The following HCN1 variants were observed in gnomAD, a reference collection of about 807,000 sequenced individuals.
The protein encoded by HCN1 is hyperpolarization activated cyclic nucleotide gated potassium channel 1, also known as potassium/sodium hyperpolarization-activated cyclic nucleotide-gated channel 1.
A neutral mutation model predicts 78.9 loss-of-function variants in HCN1; 13 were observed. That is an observed-to-expected ratio of 0.16 (90% CI 0.11 to 0.26). The LOEUF is 0.26. HCN1 is among the 10% of genes least tolerant of loss of function. The pLI is 1.00. For missense variants in HCN1, 810 were observed against 1,154.3 expected, an observed-to-expected ratio of 0.70 and a Z score of 4.32; for synonymous variants, 552 against 455.5, an observed-to-expected ratio of 1.21 and a Z score of -2.70.
At chr5:45,283,455 AAC>A (rs1231632509) in intron 6 of HCN1, among the ~76,000 whole-genome samples, 4 of 152,202 alleles carry the variant, frequency 2.6e-5, no homozygotes, top group Non-Finnish European at 5.9e-5. Context: ...GAGAAAAACA[AAC>A]AACACCATTA....
intron 1 of HCN1, among the ~76,000 whole-genome samples, chr5:45,648,036 G>C (rs1187102852): frequency 6.6e-6 from 1 of 152,038 alleles, no homozygotes; most frequent in Non-Finnish European, 1.5e-5. Flanking sequence ...GATTATTACA[G>C]AGCCAAATAT....
At chr5:45,553,787 G>A (rs1743420908) in intron 2 of HCN1, among the ~76,000 whole-genome samples, 1 of 151,682 alleles carries the variant, frequency 6.6e-6, no homozygotes, top group Non-Finnish European at 1.5e-5. Context: ...ATTTTTACTT[G>A]TTTTTTAATC....
chr5:45,470,298 G>C (rs1476510160), intron 2 of HCN1, among the ~76,000 whole-genome samples: 1 of 151,784 alleles, frequency 6.6e-6, no homozygotes, highest in African/African-American at 2.4e-5. Context: ...ACATGATTTT[G>C]GTATTAAACC....
chr5:45,337,962 T>C (rs1746498160), intron 5 of HCN1, among the ~76,000 whole-genome samples: 1 of 152,132 alleles, frequency 6.6e-6, no homozygotes, highest in Admixed American at 6.6e-5. Flanking sequence ...AATAAAGTAG[T>C]GTTTTTGAAA....
chr5:45,384,944 TA>T (rs1470842530), intron 4 of HCN1, among the ~76,000 whole-genome samples: 1 of 152,162 alleles, frequency 6.6e-6, no homozygotes, highest in Non-Finnish European at 1.5e-5. Context: ...ATGAGGATCA[TA>T]AATAGAAAAG....
intron 2 of HCN1, among the ~76,000 whole-genome samples, chr5:45,510,873 T>A (rs1473783026): frequency 6.9e-6 from 1 of 145,040 alleles, no homozygotes; most frequent in Non-Finnish European, 1.5e-5. Flanking sequence ...CTTAGAAATG[T>A]TGAGTTTATT....
At chr5:45,422,598 C>G (rs1740251318) in intron 3 of HCN1, among the ~76,000 whole-genome samples, 2 of 152,106 alleles carry the variant, frequency 1.3e-5, no homozygotes, top group Non-Finnish European at 2.9e-5. Flanking sequence ...CTTTCTAACA[C>G]TATTATTAAA....
intron 1 of HCN1, among the ~76,000 whole-genome samples, chr5:45,667,444 C>T (rs1218054456): frequency 6.6e-6 from 1 of 151,940 alleles, no homozygotes; most frequent in Non-Finnish European, 1.5e-5. Flanking sequence ...AGACTTACAA[C>T]CCCCATCACA....
chr5:45,322,650 T>C (rs1746147114), intron 5 of HCN1, among the ~76,000 whole-genome samples: 1 of 151,842 alleles, frequency 6.6e-6, no homozygotes, highest in South Asian at 2.1e-4. Context: ...AATTTGTAGA[T>C]GAAATAAACT....
intron 3 of HCN1, among the ~76,000 whole-genome samples, chr5:45,425,129 C>T (rs1740319900): frequency 6.6e-6 from 1 of 152,110 alleles, no homozygotes; most frequent in African/African-American, 2.4e-5. Flanking sequence ...TTTTTCTTGC[C>T]AAACTTTTAA....
At chr5:45,291,361 G>A (rs970209103) in intron 6 of HCN1, among the ~76,000 whole-genome samples, 4 of 151,740 alleles carry the variant, frequency 2.6e-5, no homozygotes, top group Admixed American at 2.6e-4. Context: ...CTGTTTTCTG[G>A]ACACCACACC....
At chr5:45,327,467 T>A (rs964165450) in intron 5 of HCN1, among the ~76,000 whole-genome samples, 1 of 151,606 alleles carries the variant, frequency 6.6e-6, no homozygotes, top group African/African-American at 2.4e-5. Flanking sequence ...TAACAATATA[T>A]GTATATGCAC....
chr5:45,319,504 A>C (rs988637987), intron 5 of HCN1, among the ~76,000 whole-genome samples: 1 of 151,824 alleles, frequency 6.6e-6, no homozygotes. Context: ...GATCAGATGA[A>C]TAGCCTGTTT....
chr5:45,425,981 GTGT>G (rs917134684), intron 3 of HCN1, among the ~76,000 whole-genome samples: 5 of 152,146 alleles, frequency 3.3e-5, no homozygotes, highest in Non-Finnish European at 7.4e-5. Context: ...CTGATTAATG[GTGT>G]TGTTGTAATT....
intron 2 of HCN1, among the ~76,000 whole-genome samples, chr5:45,502,350 T>C (rs1000242966): frequency 6.7e-6 from 1 of 150,278 alleles, no homozygotes; most frequent in African/African-American, 2.4e-5. Flanking sequence ...GCCGTGGTGG[T>C]GCACACCTGT....
At chr5:45,374,051 T>G (rs1747519278) in intron 4 of HCN1, among the ~76,000 whole-genome samples, 1 of 111,278 alleles carries the variant, frequency 9.0e-6, no homozygotes, top group Non-Finnish European at 1.7e-5. Flanking sequence ...ATATATTATA[T>G]ATATTATATA....
At chr5:45,394,113 T>A (rs1739638556) in intron 4 of HCN1, among the ~76,000 whole-genome samples, 1 of 152,132 alleles carries the variant, frequency 6.6e-6, no homozygotes, top group Non-Finnish European at 1.5e-5. Context: ...CATTTAAGGA[T>A]CTTTGAAATA....
At chr5:45,474,344 T>C (rs1741470549) in intron 2 of HCN1, among the ~76,000 whole-genome samples, 1 of 152,008 alleles carries the variant, frequency 6.6e-6, no homozygotes, top group African/African-American at 2.4e-5. Flanking sequence ...ACTTACTCAG[T>C]TCCCTTGACA....
chr5:45,598,784 A>T (rs1214011002), intron 2 of HCN1, among the ~76,000 whole-genome samples: 1 of 152,216 alleles, frequency 6.6e-6, no homozygotes, highest in Non-Finnish European at 1.5e-5. Flanking sequence ...AAAAGAAGAC[A>T]TTTATGTAGC....
Sources: allele counts gnomAD v4.1 joint callset (sites outside exome capture counted in the v4.1 genomes callset), GRCh38; gene constraint gnomAD v4.1.1; transcripts MANE v1.5; gene names NCBI Gene and HGNC (gene_info 2026-07-23, HGNC 2026-07-21).